DLG2: variants seen among roughly 807,000 people sequenced by gnomAD.
DLG2 encodes discs large MAGUK scaffold protein 2.
A neutral mutation model predicts 132.5 loss-of-function variants in DLG2; 45 were observed. The ratio of observed to expected loss-of-function variants is 0.34; its 90% CI spans 0.27 to 0.44. The LOEUF (loss-of-function observed/expected upper bound fraction) is 0.44, where lower values mean the gene tolerates loss of function less well. Among genes scored for constraint, DLG2 ranks in the 20% least tolerant of loss-of-function variants. The pLI is 1.00. For synonymous variants in DLG2, 424 were observed against 419.6 expected, an observed-to-expected ratio of 1.01 and a Z score of -0.13; for missense variants, 1,045 against 1,196.9, an observed-to-expected ratio of 0.87 and a Z score of 1.87.
intron 6 of DLG2, among the ~76,000 whole-genome samples, chr11:84,836,475 A>G (rs921859393): frequency 4.0e-5 from 6 of 151,764 alleles, no homozygotes; most frequent in Non-Finnish European, 5.9e-5. Flanking sequence ...ATACAATAAA[A>G]CCAGGATTTA....
At chr11:85,245,183 T>C (rs2076073625) in intron 4 of DLG2, among the ~76,000 whole-genome samples, 1 of 151,994 alleles carries the variant, frequency 6.6e-6, no homozygotes, top group African/African-American at 2.4e-5. Flanking sequence ...ATTCAGGCCT[T>C]ATTAATCCTT....
intron 6 of DLG2, among the ~76,000 whole-genome samples, chr11:84,747,279 G>C (rs1446436064): frequency 1.3e-5 from 2 of 151,822 alleles, no homozygotes; most frequent in Non-Finnish European, 2.9e-5. Context: ...AGAAATATTG[G>C]CATAACTTTT....
intron 6 of DLG2, among the ~76,000 whole-genome samples, chr11:84,972,352 T>A (rs970232455): frequency 5.3e-5 from 8 of 152,174 alleles, no homozygotes; most frequent in Non-Finnish European, 1.5e-5. Context: ...TTCCCAACAC[T>A]CTGATTAAGT....
chr11:83,987,066 T>G (rs527926700), intron 11 of DLG2, among the ~76,000 whole-genome samples: 1 of 152,274 alleles, frequency 6.6e-6, no homozygotes, highest in South Asian at 2.1e-4. Flanking sequence ...TTAGTTTAAT[T>G]TGATCCCATT....
At chr11:84,429,129 T>C (rs2098976246) in intron 7 of DLG2, among the ~76,000 whole-genome samples, 1 of 152,222 alleles carries the variant, frequency 6.6e-6, no homozygotes, top group African/African-American at 2.4e-5. Context: ...CAGAGTCTCC[T>C]TTACATTCTT....
chr11:84,267,774 A>G (rs1396612530), intron 7 of DLG2, among the ~76,000 whole-genome samples: 3 of 152,118 alleles, frequency 2.0e-5, no homozygotes, highest in Non-Finnish European at 1.5e-5. Flanking sequence ...TCATTCTTTT[A>G]CATTTCTGCA....
chr11:85,270,208 T>A (rs2077443076), intron 4 of DLG2, among the ~76,000 whole-genome samples: 1 of 152,198 alleles, frequency 6.6e-6, no homozygotes, highest in Non-Finnish European at 1.5e-5. Context: ...AATTGAATTA[T>A]GGGGGCAAGT....
intron 3 of DLG2, among the ~76,000 whole-genome samples, chr11:85,460,777 A>T (rs4943918): frequency 0.89 from 135,772 of 152,242 alleles, 61,113 homozygotes; most frequent in Middle Eastern, 0.95. Context: ...AAGCTCTAGT[A>T]TCTTGATCTT....
At chr11:85,186,494 T>C (rs1000517947) in intron 4 of DLG2, among the ~76,000 whole-genome samples, 4 of 152,092 alleles carry the variant, frequency 2.6e-5, no homozygotes, top group African/African-American at 9.7e-5. Context: ...ACAAGTTTTG[T>C]GGAATGAATA....
intron 17 of DLG2, among the ~76,000 whole-genome samples, chr11:83,807,862 G>A (rs182105759): frequency 1.3e-5 from 2 of 152,100 alleles, no homozygotes; most frequent in African/African-American, 2.4e-5. Context: ...GCTAACATAA[G>A]AGATACGGTC....
chr11:84,480,897 C>G (rs1245003451), intron 7 of DLG2, among the ~76,000 whole-genome samples: 1 of 151,680 alleles, frequency 6.6e-6, no homozygotes, highest in African/African-American at 2.4e-5. Context: ...CGCCACTATG[C>G]CTGGTTGATT....
chr11:84,035,525 G>A (rs1000996109), intron 11 of DLG2, among the ~76,000 whole-genome samples: 10 of 152,156 alleles, frequency 6.6e-5, no homozygotes, highest in African/African-American at 2.4e-4. Context: ...CTTTGAAACA[G>A]TTGTAAGAAA....
At chr11:85,597,088 C>A (rs1037361202) in intron 3 of DLG2, among the ~76,000 whole-genome samples, 47 of 152,210 alleles carry the variant, frequency 3.1e-4, no homozygotes, top group African/African-American at 9.9e-4. Flanking sequence ...TGGCGTTAAG[C>A]CAAGATATTT....
At chr11:85,486,289 C>T (rs1321048359) in intron 3 of DLG2, among the ~76,000 whole-genome samples, 1 of 150,600 alleles carries the variant, frequency 6.6e-6, no homozygotes, top group Non-Finnish European at 1.5e-5. Context: ...TATGCATTCC[C>T]CAAAGCTTCT....
rs146314890 is a variant in DLG2, at chr11:84,487,183, C to G, written c.519+47387G>C. 7.1e-3 allele frequency among the ~76,000 whole-genome samples: 1,077 copies of G among 152,102 alleles called. 14 individuals are homozygous for G. The highest frequency in any genetic ancestry group is 0.023 in the African/African-American group (966 of 41,520). Reference sequence around the variant, plus strand: ...CAATTATTAGTCTTTTTTTCAGAGTCTGTGTTTATCTGAAAGTTATAATTT... The same window carrying G: ...CAATTATTAGTCTTTTTTTCAGAGTGTGTGTTTATCTGAAAGTTATAATTT... On this transcript the variant is annotated intron_variant, in intron 7 of 27. Transcript: ENST00000376104.
At chr11:83,896,499 A>G (rs754673349) in intron 15 of DLG2, among the ~76,000 whole-genome samples, 105 of 152,380 alleles carry the variant, frequency 6.9e-4, no homozygotes, top group Non-Finnish European at 1.1e-3. Context: ...AAGATGGACC[A>G]GCCATATTTT....
chr11:85,384,188 G>A (rs2086134116), intron 3 of DLG2, among the ~76,000 whole-genome samples: 1 of 152,054 alleles, frequency 6.6e-6, no homozygotes, highest in East Asian at 1.9e-4. Flanking sequence ...CAACAGCCCT[G>A]CAAGAAAGGT....
chr11:83,557,562 A>G (rs1320776062), intron 19 of DLG2, among the ~76,000 whole-genome samples: 3 of 152,260 alleles, frequency 2.0e-5, no homozygotes, highest in Admixed American at 2.0e-4. Context: ...ACACTTGGCC[A>G]GTGTGCTTCC....
intron 6 of DLG2, among the ~76,000 whole-genome samples, chr11:84,963,320 G>A (rs1439723098): frequency 6.6e-6 from 1 of 152,170 alleles, no homozygotes; most frequent in African/African-American, 2.4e-5. Flanking sequence ...AAAAATATCT[G>A]CACTATATTG....
Sources: allele counts gnomAD v4.1 joint callset (sites outside exome capture counted in the v4.1 genomes callset), GRCh38; gene constraint gnomAD v4.1.1; transcripts MANE v1.5; gene names NCBI Gene and HGNC (gene_info 2026-07-23, HGNC 2026-07-21).